Variants in SENP5 observed in about 807,000 individuals in gnomAD.
SENP5 encodes the protein SUMO specific peptidase 5.
Under a neutral mutation model 74.2 loss-of-function variants are expected in SENP5, and 21 were observed. That is an observed-to-expected ratio of 0.28 (90% CI 0.20 to 0.41). SENP5 has a LOEUF of 0.41. SENP5 is among the 10% of genes least tolerant of loss of function. SENP5 has a pLI of 1.00. For missense variants in SENP5, 717 were observed against 889.1 expected, an observed-to-expected ratio of 0.81 and a Z score of 2.46; for synonymous variants, 311 against 312.7, an observed-to-expected ratio of 0.99 and a Z score of 0.06.
chr3:196,870,497 G>T (rs1713166053), intron 1 of SENP5, among the ~76,000 whole-genome samples: 1 of 152,024 alleles, frequency 6.6e-6, no homozygotes, highest in African/African-American at 2.4e-5. Flanking sequence ...TCTCTAAAAT[G>T]ATCATGTTTA....
chr3:196,871,876 A>C (rs1441579225), intron 1 of SENP5, among the ~76,000 whole-genome samples: 1 of 151,570 alleles, frequency 6.6e-6, no homozygotes, highest in Non-Finnish European at 1.5e-5. Context: ...AAAAAAATAC[A>C]GTCAAATACA....
chr3:196,911,972 C>T (rs988865443), intron 6 of SENP5, among the ~76,000 whole-genome samples: 9 of 152,192 alleles, frequency 5.9e-5, no homozygotes, highest in Non-Finnish European at 1.3e-4. Flanking sequence ...TGCTTTTACA[C>T]TGTTGGTGGG....
At chr3:196,924,740 C>G (rs1216944642) in intron 7 of SENP5, among the ~76,000 whole-genome samples, 1 of 152,144 alleles carries the variant, frequency 6.6e-6, no homozygotes, top group East Asian at 1.9e-4. Context: ...TTCTTGTTAT[C>G]TACTGCATAA....
Position 196,923,363 on chromosome 3 carries a change from G to A in SENP5, c.1885-51G>A, listed in dbSNP as rs369259158. On this transcript the variant is annotated intron_variant, in intron 6 of 9. Transcript: ENST00000323460. ...AAATGGAAGCTGCTGGTTTTTGGTGGTTTGGATAGCCTGTGGTGATGGCTG... is the reference window on the plus strand; with the variant it reads ...AAATGGAAGCTGCTGGTTTTTGGTGATTTGGATAGCCTGTGGTGATGGCTG... The A allele has an allele frequency of 5.8e-5, 90 of 1,551,144 alleles. No individual in the cohort carries two copies. The African/African-American group carries it at 1.1e-3, about 20-fold the overall frequency.
intron 6 of SENP5, among the ~76,000 whole-genome samples, chr3:196,905,921 A>C (rs554341291): frequency 6.6e-6 from 1 of 152,080 alleles, no homozygotes; most frequent in Admixed American, 6.6e-5. Context: ...TTAATCATCA[A>C]CATACAAAAA....
chr3:196,883,597 C>G (rs1205469722), intron 1 of SENP5, among the ~76,000 whole-genome samples: 1 of 152,074 alleles, frequency 6.6e-6, no homozygotes, highest in African/African-American at 2.4e-5. Flanking sequence ...TTTGAGCCAG[C>G]GTTTCCTTTT....
Position 196,885,680 on chromosome 3 carries a change from C to G in SENP5, c.499C>G (p.Pro167Ala), listed in dbSNP as rs765039459. 6.2e-7 allele frequency: 1 copy of G among 1,614,190 alleles called. No individual in the cohort carries two copies. Among genetic ancestry groups the G allele is most frequent in the Non-Finnish European group, 8.5e-7 (1 of 1,180,028 alleles). ...PRTDPQPSDFPMKFNGESQSP... is the reference protein window; with the variant it reads ...PRTDPQPSDFAMKFNGESQSP... ...GACAGACCCACAACCTTCTGACTTT[C>G]CCATGAAGTTCAATGGGGAGAGCCA... The change falls in exon 2 of 10, where the codon CCC becomes GCC. Residue 167 changes from proline to alanine, a missense_variant. Physicochemically the swap from Pro to Ala is conservative, Grantham distance 27 (BLOSUM62 -1). This residue lies in a region of SENP5 where 567 missense variants were observed against 577.4 expected (regional missense o/e 0.98). Transcript: ENST00000323460.
intron 6 of SENP5, among the ~76,000 whole-genome samples, chr3:196,917,940 A>G (rs1715449790): frequency 6.6e-6 from 1 of 152,224 alleles, no homozygotes. Context: ...TGTGTAAGCC[A>G]TATTTTGAGT....
chr3:196,905,373 A>G (rs1292082536), intron 6 of SENP5: 1 of 152,208 alleles, frequency 6.6e-6, no homozygotes, highest in Admixed American at 6.6e-5. Context: ...CGACCTGTCT[A>G]CCTGGAGACA....
chr3:196,872,040 A>G (rs1713239264), intron 1 of SENP5, among the ~76,000 whole-genome samples: 1 of 152,140 alleles, frequency 6.6e-6, no homozygotes, highest in African/African-American at 2.4e-5. Flanking sequence ...GTGAGCCACC[A>G]CACTTGGCCG....
chr3:196,894,835 T>C (rs903832336), intron 2 of SENP5, among the ~76,000 whole-genome samples: 4 of 152,238 alleles, frequency 2.6e-5, no homozygotes, highest in Admixed American at 6.5e-5. Context: ...TATTTTGTAA[T>C]CTTTTAAAAA....
intron 2 of SENP5, among the ~76,000 whole-genome samples, chr3:196,898,454 G>A (rs896301403): frequency 3.3e-5 from 5 of 151,582 alleles, no homozygotes; most frequent in Middle Eastern, 6.8e-3. Flanking sequence ...TAAAAAATTA[G>A]CTGGGTGTGG....
chr3:196,874,164 T>C (rs371547137), intron 1 of SENP5, among the ~76,000 whole-genome samples: 1 of 140,904 alleles, frequency 7.1e-6, no homozygotes, highest in Non-Finnish European at 1.5e-5. Flanking sequence ...AAAAAAAAGA[T>C]AAAGGACAAT....
At chr3:196,873,861 C>G (rs1041340021) in intron 1 of SENP5, among the ~76,000 whole-genome samples, 3 of 151,852 alleles carry the variant, frequency 2.0e-5, no homozygotes, top group Non-Finnish European at 2.9e-5. Context: ...AAACAAAAAA[C>G]ATAATTTAAT....
In SENP5 at chr3:196,885,613, A is replaced by G. The variant is rs745836695; in HGVS notation, c.432A>G (p.Pro144=). ...TCTTGAAGGCAGTTACTGACTTTCC[A>G]TCAAATAGTGCTTTAGGTCAGGCCA... is the stretch of plus-strand genomic sequence containing the variant. ...KNLLKAVTDF[P]SNSALGQANG... is the part of the protein sequence containing the mutation. The change falls in exon 2 of 10, where the codon CCA becomes CCG. Residue 144 remains proline (P), a synonymous_variant. Coordinates refer to ENST00000323460, the MANE Select transcript of SENP5 (RefSeq NM_152699.5). The G allele has an allele frequency of 3.7e-6, 6 of 1,614,240 alleles. No individual in the cohort carries two copies. The South Asian group carries it at 6.6e-5, about 18-fold the overall frequency.
chr3:196,873,641 C>G (rs1440142507), intron 1 of SENP5, among the ~76,000 whole-genome samples: 1 of 151,666 alleles, frequency 6.6e-6, no homozygotes, highest in East Asian at 2.0e-4. Flanking sequence ...GAGATCAAGA[C>G]CATCCTGGCT....
At chr3:196,913,395 T>C (rs1196875065) in intron 6 of SENP5, 1 of 151,744 alleles carries the variant, frequency 6.6e-6, no homozygotes, top group African/African-American at 2.4e-5. Flanking sequence ...TAGTGAAACC[T>C]CTTTTCTACT....
rs1716032712 is a variant in SENP5 at position 196,931,388 on chromosome 3, A to C, written c.*465A>C. 1 of 164,524 alleles carries C rather than the reference A, an allele frequency of 6.1e-6. No individual in the cohort carries two copies. Among genetic ancestry groups the C allele is most frequent in the South Asian group, 1.6e-4 (1 of 6,216 alleles). The allele number at this position is 164,524 out of a possible 1,614,324, so 10.2% of individuals were successfully genotyped here. A position where few individuals can be genotyped will look rare whatever the true frequency, so the allele number is the denominator to read the frequency against. ...TTAAGGGTAGCTGGGGGTGGTTTTGACAAATCCAGTCCTGTTTTACTTTAC... is the reference window on the plus strand; with the variant it reads ...TTAAGGGTAGCTGGGGGTGGTTTTGCCAAATCCAGTCCTGTTTTACTTTAC... On this transcript the variant is annotated 3_prime_UTR_variant, in exon 10 of 10. Coordinates refer to ENST00000323460, the MANE Select transcript of SENP5 (RefSeq NM_152699.5).
chr3:196,923,662 T>G, intron 7 of SENP5, 111 bp downstream of exon 7: 3 of 687,216 alleles, frequency 4.4e-6, no homozygotes, highest in South Asian at 4.1e-5. Flanking sequence ...GTTTATGTCA[T>G]GAAAATCCTC....
Sources: allele counts gnomAD v4.1 joint callset (sites outside exome capture counted in the v4.1 genomes callset), GRCh38; gene constraint gnomAD v4.1.1; regional missense constraint gnomAD v4.1.1; transcripts MANE v1.5; gene names NCBI Gene and HGNC (gene_info 2026-07-23, HGNC 2026-07-21).